The following STK11 variants were observed in gnomAD, a reference collection of about 807,000 sequenced individuals.
STK11 encodes serine/threonine kinase 11.
A neutral mutation model predicts 47.3 loss-of-function variants in STK11; 8 were observed. The observed-to-expected ratio is 0.17, with a 90% confidence interval of 0.10 to 0.31. STK11 has a LOEUF of 0.31. STK11 is among the 10% of genes least tolerant of loss of function. The pLI, the probability that STK11 is intolerant of heterozygous loss-of-function variation, is 1.00. For synonymous variants in STK11, 330 were observed against 255.8 expected (o/e 1.29, Z -2.77); for missense variants, 475 against 605.0 (o/e 0.79, Z 2.25).
At chr19:1,216,172 C>G (rs1272809512) in intron 1 of STK11, 2 of 159,428 alleles carry the variant, frequency 1.3e-5, no homozygotes, top group Non-Finnish European at 2.8e-5. Context: ...AGTACATTCA[C>G]ACGGCTGTGC....
intron 8 of STK11, chr19:1,224,961 C>T (rs953758591): frequency 1.5e-5 from 15 of 985,542 alleles, no homozygotes; most frequent in East Asian, 1.1e-4. Context: ...CCGGCGCCCT[C>T]GGGTCAGGCC....
chr19:1,215,823 G>A (rs1354843917), intron 1 of STK11, among the ~76,000 whole-genome samples: 7 of 151,828 alleles, frequency 4.6e-5, no homozygotes, highest in South Asian at 2.1e-4. Flanking sequence ...TGCAACCTCC[G>A]CCTCCCAGGT....
chr19:1,218,349 A>G (rs1280987149), intron 1 of STK11, 68 bp from the exon 2 acceptor site: 1 of 1,329,858 alleles, frequency 7.5e-7, no homozygotes. Flanking sequence ...GGGGAGGCCG[A>G]CTCCAGGGAT....
chr19:1,205,847 G>T lies in STK11; in HGVS notation c.-1067G>T. On this transcript the variant is annotated 5_prime_UTR_variant, in exon 1 of 10. In the 5' UTR this introduces an upstream ATG that the reference lacks. Coordinates refer to ENST00000326873, the MANE Select transcript of STK11 (RefSeq NM_000455.5). ...GGCGGCCCGGGGCGCCCGCGAGTGA[G>T]GCGCGGGGCGGCGAAGGGAGCGCGG... The T allele has an allele frequency of 4.9e-6, 1 of 205,492 alleles. No homozygotes were observed. The highest frequency in any genetic ancestry group is 1.0e-5 in the Non-Finnish European group (1 of 100,226). 12.7% of individuals were successfully genotyped at this position (205,492 alleles called of 1,614,324 possible).
intron 8 of STK11, chr19:1,225,264 G>C (rs958862080): frequency 1.0e-5 from 10 of 985,134 alleles, no homozygotes; most frequent in Non-Finnish European, 1.2e-5. Context: ...TCCTCACCAA[G>C]GTCTTTTTTA....
chr19:1,225,430 C>T (rs1391983925), intron 8 of STK11: 12 of 792,662 alleles, frequency 1.5e-5, no homozygotes, highest in African/African-American at 1.9e-5. Context: ...CCAGCATGCC[C>T]GGCTAATTTT....
intron 3 of STK11, 127 bp downstream of exon 3, chr19:1,219,540 T>C: frequency 5.0e-6 from 5 of 993,624 alleles, no homozygotes; most frequent in Non-Finnish European, 5.8e-6. Context: ...TTTTTTGTTT[T>C]TTTGTTTTTT....
chr19:1,208,360 T>G (rs2080684013), intron 1 of STK11, among the ~76,000 whole-genome samples: 1 of 145,354 alleles, frequency 6.9e-6, no homozygotes, highest in East Asian at 2.1e-4. Context: ...CAGGCTGGAG[T>G]GCAGTGGCGC....
chr19:1,226,765 C>T (rs530606886), intron 9 of STK11, 102 bp downstream of exon 9: 31 of 1,323,778 alleles, frequency 2.3e-5, no homozygotes, highest in African/African-American at 7.6e-5. Context: ...GTGACCGTCA[C>T]GTGGCTGCGC....
Position 1,207,406 on chromosome 19 carries a change from G to T in STK11, c.290+203G>T, listed in dbSNP as rs577847899. Reference sequence around the variant, plus strand: ...GACTTTCACTCAGGCAAGGCCAGTTGTCGCAGCGGGGCGTGCGTTTGCATG... The same window carrying T: ...GACTTTCACTCAGGCAAGGCCAGTTTTCGCAGCGGGGCGTGCGTTTGCATG... On this transcript the variant is annotated intron_variant, in intron 1 of 9. Transcript: ENST00000326873. 1.2e-4 allele frequency among the ~76,000 whole-genome samples: 19 copies of T among 152,324 alleles called. No homozygotes were observed. The East Asian group carries it at 3.7e-3, about 29-fold the overall frequency.
At position 1,220,543 on chromosome 19, in the gene STK11, C is replaced by T. The variant is rs757635739; in HGVS notation, c.597+38C>T. 1.0e-5 allele frequency: 16 copies of T among 1,578,126 alleles called. No individual in the cohort carries two copies. The Admixed American group carries it at 1.1e-4, about 11-fold the overall frequency. On this transcript the variant is annotated intron_variant, in intron 4 of 9. Transcript: ENST00000326873. ...TAGGGGGGGCCCTGGGGCGCCCCCT[C>T]CCGGGCACTCCCTGAGGGCTGCACG...
intron 1 of STK11, among the ~76,000 whole-genome samples, chr19:1,217,457 C>T (rs2145419182): frequency 6.6e-6 from 1 of 152,266 alleles, no homozygotes; most frequent in Middle Eastern, 3.4e-3. Flanking sequence ...GCCTCGGCCT[C>T]CTATAGTGCT....
chr19:1,226,776 G>A lies in STK11; in HGVS notation c.*16+113G>A, dbSNP rs142756107. 10,229 of 1,289,960 alleles carry A rather than the reference G, an allele frequency of 7.9e-3. 58 individuals carry two copies. Among genetic ancestry groups the A allele is most frequent in the Middle Eastern group, 0.012 (42 of 3,626 alleles). The allele number at this position is 1,289,960 out of a possible 1,614,324, so 79.9% of individuals were successfully genotyped here. On this transcript the variant is annotated intron_variant, in intron 9 of 9. Transcript: ENST00000326873. ...CATGGTGACCGTCACGTGGCTGCGCGTGGTTGCCATGTGGCCTTTGGGTGG... is the reference window on the plus strand; with the variant it reads ...CATGGTGACCGTCACGTGGCTGCGCATGGTTGCCATGTGGCCTTTGGGTGG...
In STK11 at chr19:1,222,985, C is replaced by T. The variant is rs2145430611; in HGVS notation, c.921C>T (p.Ser307=). 6.5e-7 allele frequency: 1 copy of T among 1,547,826 alleles called. No individual in the cohort carries two copies. Among genetic ancestry groups the T allele is most frequent in the Non-Finnish European group, 8.7e-7 (1 of 1,143,680 alleles). Residue 307 remains serine (S), a splice_region_variant and synonymous_variant, in exon 8 of 10, where the codon AGC becomes AGT. Transcript: ENST00000326873. Reference sequence around the variant, plus strand: ...CGCCACTGCTTCTGGGCGTTTGCAGCTGGTTCCGGAAGAAACATCCTCCGG... The same window carrying T: ...CGCCACTGCTTCTGGGCGTTTGCAGTTGGTTCCGGAAGAAACATCCTCCGG... ...RFSIRQIRQH[S]WFRKKHPPAE...
chr19:1,207,120 G>A lies in STK11; in HGVS notation c.207G>A (p.Ser69=), dbSNP rs746735912. Residue 69 remains serine, a synonymous_variant, in exon 1 of 10, where the codon TCG becomes TCA. Coordinates refer to ENST00000326873, the MANE Select transcript of STK11 (RefSeq NM_000455.5). Reference sequence around the variant, plus strand: ...GCAAGGTGAAGGAGGTGCTGGACTCGGAGACGCTGTGCAGGAGGGCCGTCA... The same window carrying A: ...GCAAGGTGAAGGAGGTGCTGGACTCAGAGACGCTGTGCAGGAGGGCCGTCA... The part of the protein sequence containing the change: ...SYGKVKEVLD[S]ETLCRRAVKI... The A allele has an allele frequency of 6.2e-7, 1 of 1,613,862 alleles. No homozygotes were observed. The highest frequency in any genetic ancestry group is 8.5e-7 in the Non-Finnish European group (1 of 1,179,842).
chr19:1,213,090 G>A (rs1041109436), intron 1 of STK11, among the ~76,000 whole-genome samples: 18 of 142,996 alleles, frequency 1.3e-4, no homozygotes, highest in African/African-American at 3.1e-4. Context: ...TCTGCCTCCC[G>A]GGTTCACACC....
rs777480684 is a variant in STK11, at chr19:1,206,778, C to T, written c.-136C>T. 104 of 1,159,778 alleles carry T rather than the reference C, an allele frequency of 9.0e-5. 1 individual carries two copies. The highest frequency in any genetic ancestry group is 1.1e-4 in the Non-Finnish European group (95 of 847,938). 71.8% of individuals were successfully genotyped at this position (1,159,778 alleles called of 1,614,324 possible). A position where few individuals can be genotyped will look rare whatever the true frequency, so the allele number is the denominator to read the frequency against. Reference sequence around the variant, plus strand: ...TGTTGGAAGAAGGGTTTTTCCCTTCCTTTTGGGGTTTTTGTTGCCTTTTTT... The same window carrying T: ...TGTTGGAAGAAGGGTTTTTCCCTTCTTTTTGGGGTTTTTGTTGCCTTTTTT... On this transcript the variant is annotated 5_prime_UTR_variant, in exon 1 of 10. Coordinates refer to ENST00000326873, the MANE Select transcript of STK11 (RefSeq NM_000455.5).
intron 8 of STK11, chr19:1,224,359 G>A: frequency 1.0e-6 from 1 of 985,320 alleles, no homozygotes; most frequent in South Asian, 4.7e-5. Context: ...GGGAGGTGCT[G>A]CTGGGTACCC....
chr19:1,211,334 T>G (rs922404109), intron 1 of STK11, among the ~76,000 whole-genome samples: 1 of 151,898 alleles, frequency 6.6e-6, no homozygotes, highest in Admixed American at 6.6e-5. Context: ...CTGTTTCTGG[T>G]AGGCAGTGGG....
Sources: gnomAD v4.1 joint callset for allele counts (sites outside exome capture counted in the v4.1 genomes callset) on GRCh38, gnomAD v4.1.1 for gene constraint, MANE v1.5 for transcripts, NCBI Gene and HGNC (gene_info 2026-07-23, HGNC 2026-07-21) for gene names.